The following COL13A1 variants were observed in gnomAD, a reference collection of about 807,000 sequenced individuals.
COL13A1 encodes collagen alpha-1(XIII) chain.
In COL13A1, 89 loss-of-function variants were observed where a neutral mutation model predicts 130.9. That is an observed-to-expected ratio of 0.68 (90% CI 0.57 to 0.81). The LOEUF (loss-of-function observed/expected upper bound fraction) is 0.81. Ranked by LOEUF, COL13A1 falls within the 30% of genes least tolerant of loss-of-function variation. COL13A1 has a pLI of 0.00. For synonymous variants in COL13A1, 402 were observed against 341.6 expected (o/e 1.18, Z -1.95); for missense variants, 879 against 934.6 (o/e 0.94, Z 0.78).
intron 2 of COL13A1, among the ~76,000 whole-genome samples, chr10:69,846,672 C>T (rs1853194350): frequency 1.3e-5 from 2 of 151,902 alleles, no homozygotes; most frequent in South Asian, 2.1e-4. Flanking sequence ...ACCAGCTAAT[C>T]GTCTTAACCT....
At position 69,930,058 on chromosome 10, in the gene COL13A1, C is replaced by G; in HGVS notation, c.1501C>G (p.Pro501Ala). 6.2e-7 allele frequency: 1 copy of G among 1,613,914 alleles called. No homozygotes were observed. Among genetic ancestry groups the G allele is most frequent in the Non-Finnish European group, 8.5e-7 (1 of 1,179,840 alleles). Residue 501 changes from proline to alanine, a missense_variant, in exon 29 of 41, where the codon CCA becomes GCA. This residue lies in a region of COL13A1 where 715 missense variants were observed against 721.0 expected (regional missense o/e 0.99). Coordinates refer to ENST00000645393, the MANE Select transcript of COL13A1 (RefSeq NM_001368882.1). ...CCGGTTACAGGGGGAGATTGGACTG[C>G]CAGGCCCTCCAGGACACGATGGGGA... is the stretch of plus-strand genomic sequence containing the variant. ...IPGQKGEIGL[P>A]GPPGHDGEKG...
intron 1 of COL13A1, among the ~76,000 whole-genome samples, chr10:69,818,649 T>C (rs1845236259): frequency 1.3e-5 from 2 of 152,254 alleles, no homozygotes; most frequent in Middle Eastern, 3.4e-3. Context: ...GGAGAGCCAA[T>C]GGTGTAAATT....
chr10:69,840,701 G>A (rs186653452), intron 2 of COL13A1, among the ~76,000 whole-genome samples: 173 of 152,296 alleles, frequency 1.1e-3, no homozygotes, highest in Non-Finnish European at 2.0e-3. Flanking sequence ...GGCTGGGAAT[G>A]TCATGGGATT....
intron 18 of COL13A1, 140 bp from the exon 19 acceptor site, chr10:69,918,145 G>T: frequency 1.6e-6 from 1 of 637,722 alleles, no homozygotes; most frequent in Non-Finnish European, 2.7e-6. Context: ...CTCCCAGGTG[G>T]GGTTGGTGGT....
At chr10:69,917,874 C>G (rs1205667973) in intron 18 of COL13A1, among the ~76,000 whole-genome samples, 2 of 152,086 alleles carry the variant, frequency 1.3e-5, no homozygotes, top group African/African-American at 2.4e-5. Flanking sequence ...CTGCACCCCT[C>G]TCCCGTGGCT....
chr10:69,805,559 C>T (rs1175080219), intron 1 of COL13A1, among the ~76,000 whole-genome samples: 1 of 152,224 alleles, frequency 6.6e-6, no homozygotes, highest in African/African-American at 2.4e-5. Flanking sequence ...TTTAGCTTGT[C>T]TGTTGCAACA....
intron 31 of COL13A1, 114 bp downstream of exon 31, chr10:69,932,718 G>C: frequency 1.4e-6 from 1 of 712,670 alleles, no homozygotes; most frequent in Non-Finnish European, 2.5e-6. Context: ...CGTTTACTGA[G>C]CACCACCATA....
intron 6 of COL13A1, among the ~76,000 whole-genome samples, chr10:69,880,047 G>C (rs2059971021): frequency 1.3e-5 from 2 of 152,048 alleles, no homozygotes; most frequent in Non-Finnish European, 2.9e-5. Context: ...GGGGGAGCTG[G>C]AAAGCATCCT....
At position 69,957,785 on chromosome 10, in the gene COL13A1, C is replaced by T. The variant is rs552763333; in HGVS notation, c.2184+743C>T. ...TGGTCCCCAGCAATGGTGGCAGCCA[C>T]TATGCTGCCCCATACCGTCTCCCTC... On this transcript the variant is annotated intron_variant, in intron 40 of 40. Transcript: ENST00000645393. Among the ~76,000 whole-genome samples the T allele has an allele frequency of 8.5e-5, 13 of 152,286 alleles. No individual in the cohort carries two copies. The East Asian group carries it at 2.5e-3, about 29-fold the overall frequency.
chr10:69,813,265 C>A (rs1843531868), intron 1 of COL13A1, among the ~76,000 whole-genome samples: 1 of 152,200 alleles, frequency 6.6e-6, no homozygotes, highest in Admixed American at 6.5e-5. Context: ...AGGTCCTGGG[C>A]CCCTTGCCAA....
At chr10:69,861,540 C>T (rs1022278485) in intron 2 of COL13A1, among the ~76,000 whole-genome samples, 1 of 152,070 alleles carries the variant, frequency 6.6e-6, no homozygotes, top group African/African-American at 2.4e-5. Flanking sequence ...TCCAGGACAC[C>T]CAGCCTCTCC....
chr10:69,815,318 G>C (rs1467554791), intron 1 of COL13A1, among the ~76,000 whole-genome samples: 5 of 152,282 alleles, frequency 3.3e-5, no homozygotes, highest in African/African-American at 1.2e-4. Flanking sequence ...CACATTCTCT[G>C]GGGGGAGTGA....
At chr10:69,856,212 A>C (rs1037661059) in intron 2 of COL13A1, among the ~76,000 whole-genome samples, 4 of 152,260 alleles carry the variant, frequency 2.6e-5, no homozygotes, top group African/African-American at 9.6e-5. Flanking sequence ...TCTGATTCTC[A>C]GCTTTTCTTG....
At chr10:69,888,457 C>CA (rs74503792) in intron 9 of COL13A1, 127 bp downstream of exon 9, 72,573 of 1,359,162 alleles carry the variant, frequency 0.053, 2,315 homozygotes, top group East Asian at 0.15. Context: ...TGAAGGTTGT[C>CA]ACTAGTGGGA....
intron 2 of COL13A1, among the ~76,000 whole-genome samples, chr10:69,850,801 C>T (rs1320922104): frequency 2.0e-5 from 3 of 152,216 alleles, no homozygotes; most frequent in African/African-American, 7.2e-5. Flanking sequence ...GTGATGGCCT[C>T]AGCCCACCCA....
chr10:69,872,313 T>C, intron 4 of COL13A1, 103 bp downstream of exon 4: 1 of 1,326,530 alleles, frequency 7.5e-7, no homozygotes, highest in Non-Finnish European at 1.1e-6. Context: ...CAGGTGTATC[T>C]GGGTGACAGG....
Position 69,847,365 on chromosome 10 carries a change from C to T in COL13A1, c.365-20433C>T, listed in dbSNP as rs141795992. 1.2e-3 allele frequency among the ~76,000 whole-genome samples: 186 copies of T among 152,318 alleles called. 1 individual carries two copies. The highest frequency in any genetic ancestry group is 4.3e-3 in the African/African-American group (180 of 41,570). On this transcript the variant is annotated intron_variant, in intron 2 of 40. Transcript: ENST00000645393. Reference sequence around the variant, plus strand: ...AAAACACACATTTCTGAACTGCTCACACAGGTACACAAATTAGATAAAAGT... The same window carrying T: ...AAAACACACATTTCTGAACTGCTCATACAGGTACACAAATTAGATAAAAGT...
At chr10:69,902,022 A>G (rs1024394964) in intron 14 of COL13A1, among the ~76,000 whole-genome samples, 3 of 152,198 alleles carry the variant, frequency 2.0e-5, no homozygotes, top group African/African-American at 7.2e-5. Context: ...TAACAGAAGC[A>G]GGCTGTGTGT....
chr10:69,934,515 G>A (rs1475053018), intron 31 of COL13A1, among the ~76,000 whole-genome samples: 1 of 152,226 alleles, frequency 6.6e-6, no homozygotes, highest in Non-Finnish European at 1.5e-5. Context: ...ATGCTCCAGG[G>A]AATTCTACCC....
Sources: allele counts gnomAD v4.1 joint callset (sites outside exome capture counted in the v4.1 genomes callset), GRCh38; gene constraint gnomAD v4.1.1; regional missense constraint gnomAD v4.1.1; transcripts MANE v1.5; gene names NCBI Gene and HGNC (gene_info 2026-07-23, HGNC 2026-07-21).